The following LIFR variants were observed in gnomAD, a reference collection of about 807,000 sequenced individuals.
The protein encoded by LIFR is LIF receptor subunit alpha, also known as leukemia inhibitory factor receptor.
In LIFR, 84 loss-of-function variants were observed where a neutral mutation model predicts 122.2. The ratio of observed to expected loss-of-function variants is 0.69; its 90% CI spans 0.58 to 0.82. LIFR has a LOEUF of 0.82. Among genes scored for constraint, LIFR ranks in the 40% least tolerant of loss-of-function variants. LIFR has a pLI of 0.00. For missense variants in LIFR, 1,294 were observed against 1,311.6 expected, an observed-to-expected ratio of 0.99 and a Z score of 0.21; for synonymous variants, 422 against 434.7, an observed-to-expected ratio of 0.97 and a Z score of 0.36.
intron 1 of LIFR, among the ~76,000 whole-genome samples, chr5:38,572,139 G>C (rs1202298106): frequency 6.6e-6 from 1 of 152,176 alleles, no homozygotes; most frequent in Admixed American, 6.6e-5. Context: ...AAATACCTGA[G>C]ACTGGGTAAT....
intron 2 of LIFR, among the ~76,000 whole-genome samples, chr5:38,605,815 C>T (rs755475744): frequency 2.7e-4 from 41 of 152,150 alleles, no homozygotes; most frequent in East Asian, 5.8e-4. Flanking sequence ...CTTACCAACC[C>T]ATGACCTGGA....
intron 1 of LIFR, among the ~76,000 whole-genome samples, chr5:38,583,947 A>G (rs1580229941): frequency 6.6e-6 from 1 of 152,086 alleles, no homozygotes; most frequent in East Asian, 1.9e-4. Flanking sequence ...GCTGCCATGT[A>G]AGATGTAACT....
At chr5:38,495,541 G>A (rs1744832778) in intron 13 of LIFR, among the ~76,000 whole-genome samples, 1 of 152,162 alleles carries the variant, frequency 6.6e-6, no homozygotes, top group Admixed American at 6.5e-5. Context: ...AGAGAACAAA[G>A]ATGCAGTCAA....
chr5:38,538,883 A>G (rs1344451397), intron 1 of LIFR, among the ~76,000 whole-genome samples: 2 of 152,224 alleles, frequency 1.3e-5, no homozygotes, highest in African/African-American at 2.4e-5. Flanking sequence ...ACAACCGTCC[A>G]CACTAAAATT....
chr5:38,539,477 GATTT>G (rs1416840718), intron 1 of LIFR, among the ~76,000 whole-genome samples: 3 of 152,104 alleles, frequency 2.0e-5, no homozygotes, highest in African/African-American at 4.8e-5. Context: ...ACACGTACAA[GATTT>G]ATTTGGTGAC....
chr5:38,554,045 C>T (rs908332879), intron 1 of LIFR, among the ~76,000 whole-genome samples: 1 of 151,938 alleles, frequency 6.6e-6, no homozygotes, highest in African/African-American at 2.4e-5. Context: ...TAATGGCAAC[C>T]GAATTTTATG....
intron 1 of LIFR, among the ~76,000 whole-genome samples, chr5:38,564,771 C>CACACAT (rs1748960883): frequency 7.6e-6 from 1 of 130,934 alleles, no homozygotes; most frequent in Non-Finnish European, 1.6e-5. Context: ...CACACACACA[C>CACACAT]ACACACATAT....
intron 1 of LIFR, among the ~76,000 whole-genome samples, chr5:38,570,670 GA>G (rs1269406436): frequency 5.9e-5 from 9 of 152,152 alleles, no homozygotes; most frequent in Non-Finnish European, 1.2e-4. Flanking sequence ...AAAACAAAGA[GA>G]TTCAGTGACT....
At chr5:38,483,708 C>T (rs895809164) in intron 18 of LIFR, among the ~76,000 whole-genome samples, 4 of 152,144 alleles carry the variant, frequency 2.6e-5, no homozygotes, top group South Asian at 2.1e-4. Context: ...GGATTACAGG[C>T]GTGAGCCACT....
intron 2 of LIFR, among the ~76,000 whole-genome samples, chr5:38,529,057 G>GT (rs1459265300): frequency 6.7e-6 from 1 of 149,974 alleles, no homozygotes; most frequent in Non-Finnish European, 1.5e-5. Flanking sequence ...TGCAGCTTTG[G>GT]TTAAAAAAAA....
intron 8 of LIFR, 75 bp from the exon 9 acceptor site, chr5:38,506,149 T>C (rs915219310): frequency 2.1e-6 from 2 of 943,234 alleles, no homozygotes; most frequent in African/African-American, 1.7e-5. Flanking sequence ...AAATTCGTAA[T>C]ACTTAATTTG....
intron 1 of LIFR, among the ~76,000 whole-genome samples, chr5:38,585,313 A>T (rs1346626033): frequency 6.6e-6 from 1 of 152,252 alleles, no homozygotes; most frequent in East Asian, 1.9e-4. Flanking sequence ...CATGTTATGT[A>T]AGAGACCATG....
At chr5:38,492,824 G>A (rs1296324991) in intron 14 of LIFR, among the ~76,000 whole-genome samples, 1 of 152,098 alleles carries the variant, frequency 6.6e-6, no homozygotes, top group Non-Finnish European at 1.5e-5. Flanking sequence ...AAGCTACAGG[G>A]TCCAGAAATC....
At chr5:38,551,866 A>G (rs1047929657) in intron 1 of LIFR, among the ~76,000 whole-genome samples, 6 of 152,248 alleles carry the variant, frequency 3.9e-5, no homozygotes, top group Admixed American at 1.3e-4. Flanking sequence ...GCAACATCCT[A>G]TAAGAATGCA....
chr5:38,501,154 T>C (rs571708963), intron 11 of LIFR, among the ~76,000 whole-genome samples: 25 of 152,292 alleles, frequency 1.6e-4, no homozygotes, highest in South Asian at 8.3e-4. Context: ...AATGGGAAGA[T>C]CATAAACATC....
chr5:38,537,042 C>T (rs1014467507), intron 1 of LIFR, among the ~76,000 whole-genome samples: 5 of 152,078 alleles, frequency 3.3e-5, no homozygotes, highest in Admixed American at 6.6e-5. Context: ...TCAGGATCCT[C>T]CATGTCAGTT....
intron 1 of LIFR, among the ~76,000 whole-genome samples, chr5:38,564,426 A>G (rs1441232184): frequency 7.2e-6 from 1 of 138,112 alleles, no homozygotes; most frequent in African/African-American, 2.7e-5. Flanking sequence ...TTATGTTGCC[A>G]GGCTTGTCTC....
In LIFR at chr5:38,594,951, T is replaced by C. The variant is rs570634741; in HGVS notation, c.-20+310A>G. The C allele has an allele frequency of 3.5e-5, 7 of 197,758 alleles. 1 individual carries two copies. In the South Asian group the frequency reaches 1.3e-3, roughly 38 times the overall value. The allele number at this position is 197,758 out of a possible 1,614,324, so 12.3% of individuals were successfully genotyped here. On this transcript the variant is annotated intron_variant, in intron 1 of 19. Coordinates refer to the LIFR transcript ENST00000263409. The stretch of plus-strand genomic sequence containing the variant: ...CTGTGCGGTGCAGAAACTGTACAAC[T>C]GTATACAGTGACCATTTCTACTCTG...
At chr5:38,532,812 C>T (rs1580130478) in intron 1 of LIFR, among the ~76,000 whole-genome samples, 1 of 152,178 alleles carries the variant, frequency 6.6e-6, no homozygotes, top group East Asian at 1.9e-4. Flanking sequence ...AAAAGTGATG[C>T]TTGTGAAGCT....
Sources: gnomAD v4.1 joint callset for allele counts (sites outside exome capture counted in the v4.1 genomes callset) on GRCh38, gnomAD v4.1.1 for gene constraint, MANE v1.5 for transcripts, NCBI Gene and HGNC (gene_info 2026-07-23, HGNC 2026-07-21) for gene names.